ZFP64: variants seen among roughly 807,000 people sequenced by gnomAD.
The protein encoded by ZFP64 is ZFP64 zinc finger protein.
In ZFP64, 14 loss-of-function variants were observed where a neutral mutation model predicts 51.6. The ratio of observed to expected loss-of-function variants is 0.27; its 90% CI spans 0.18 to 0.42. ZFP64 has a LOEUF of 0.42. Among genes scored for constraint, ZFP64 ranks in the 10% least tolerant of loss-of-function variants. The probability of loss-of-function intolerance (pLI) is 1.00; values close to 1 mark genes in which losing one functional copy is unlikely to be tolerated. For missense variants in ZFP64, 754 were observed against 906.8 expected (o/e 0.83, Z 2.16); for synonymous variants, 375 against 361.4 (o/e 1.04, Z -0.43).
At chr20:52,110,070 C>T (rs1978476888) in intron 5 of ZFP64, among the ~76,000 whole-genome samples, 1 of 152,076 alleles carries the variant, frequency 6.6e-6, no homozygotes, top group African/African-American at 2.4e-5. Context: ...AGACCTGGGC[C>T]GTACACTCCT....
At chr20:52,170,226 C>T (rs745596822) in intron 2 of ZFP64, among the ~76,000 whole-genome samples, 4 of 151,836 alleles carry the variant, frequency 2.6e-5, no homozygotes, top group East Asian at 3.9e-4. Context: ...CTGAGGTGGG[C>T]GGATCATTTG....
chr20:52,158,455 T>C (rs988876471), intron 5 of ZFP64, among the ~76,000 whole-genome samples: 1 of 152,154 alleles, frequency 6.6e-6, no homozygotes, highest in African/African-American at 2.4e-5. Flanking sequence ...CCTGTAATCC[T>C]AGCACTTTGG....
intron 5 of ZFP64, among the ~76,000 whole-genome samples, chr20:52,127,269 GA>G (rs1364676114): frequency 6.6e-6 from 1 of 151,910 alleles, no homozygotes; most frequent in Non-Finnish European, 1.5e-5. Flanking sequence ...TTTTTTAAAG[GA>G]AGTGATACGG....
rs1053737002 is a variant in ZFP64, at chr20:52,173,644, GCTTTTTTTTTTTT to G, written c.287-7632_287-7620del. Among the ~76,000 whole-genome samples, 8 of 150,726 alleles carry G rather than the reference GCTTTTTTTTTTTT, an allele frequency of 5.3e-5. No individual in the cohort carries two copies. The East Asian group carries it at 9.8e-4, about 18-fold the overall frequency. ...TCAAAACATGGCAATATACATCCTT[GCTTTTTTTTTTTT>G]CTTTTTTTTTGAGACGGAGTCTGGC... On this transcript the variant is annotated intron_variant, in intron 2 of 5. Transcript: ENST00000216923.
At chr20:52,109,151 A>C (rs960915255) in intron 5 of ZFP64, among the ~76,000 whole-genome samples, 3 of 151,448 alleles carry the variant, frequency 2.0e-5, no homozygotes, top group Admixed American at 6.6e-5. Context: ...TTTTTTTAGA[A>C]GATTTTTTTT....
chr20:52,165,542 A>C (rs1982187295), intron 3 of ZFP64: 3 of 524,436 alleles, frequency 5.7e-6, no homozygotes, highest in Non-Finnish European at 1.1e-5. Flanking sequence ...AATAAATTAA[A>C]ACCAAAGTAA....
chr20:52,128,583 T>A (rs1396361198), intron 5 of ZFP64, among the ~76,000 whole-genome samples: 2 of 152,230 alleles, frequency 1.3e-5, no homozygotes, highest in Non-Finnish European at 2.9e-5. Context: ...CAAACTGATC[T>A]GCTTTGTGGC....
Position 52,153,097 on chromosome 20 carries a change from G to A in ZFP64, c.1095C>T (p.His365=), listed in dbSNP as rs548382927. The change falls in exon 6 of 6, where the codon CAC becomes CAT. Residue 365 remains histidine (H), a synonymous_variant. Transcript: ENST00000216923. The surrounding 1 kb of genome is among the most constrained non-coding windows in gnomAD (Gnocchi z 5.1). ...TGCACTTGAAAGGGCGGTCGGTGCA[G>A]TGGATACGCTCGTGGATGCGCAGGG... ...KAALRIHERI[H]CTDRPFKCNY... 1 of 1,614,252 alleles carries A rather than the reference G, an allele frequency of 6.2e-7. No homozygotes were observed. The highest frequency in any genetic ancestry group is 1.1e-5 in the South Asian group (1 of 91,088).
intron 4 of ZFP64, among the ~76,000 whole-genome samples, chr20:52,162,792 T>G (rs1171822863): frequency 1.3e-5 from 2 of 152,162 alleles, no homozygotes; most frequent in East Asian, 3.9e-4. Context: ...TTGGCAGAGC[T>G]CAGTGGTTTT....
At chr20:52,141,374 C>T (rs1406549793) in intron 5 of ZFP64, among the ~76,000 whole-genome samples, 1 of 151,938 alleles carries the variant, frequency 6.6e-6, no homozygotes, top group East Asian at 1.9e-4. Flanking sequence ...ATTTTTTTCA[C>T]CAGAACATCA....
chr20:52,105,462 C>T (rs1978307082), intron 5 of ZFP64: 2 of 878,112 alleles, frequency 2.3e-6, no homozygotes, highest in South Asian at 6.0e-5. Context: ...GCAGCCCGCG[C>T]CACCTGGGAG....
chr20:52,086,539 G>T (rs1025100950), intron 8 of ZFP64, among the ~76,000 whole-genome samples: 2 of 149,356 alleles, frequency 1.3e-5, no homozygotes, highest in East Asian at 3.9e-4. Context: ...GTGCAGTGAC[G>T]CAATCTCAGC....
intron 6 of ZFP64, chr20:52,097,570 TC>T: frequency 1.3e-6 from 1 of 760,386 alleles, no homozygotes; most frequent in Non-Finnish European, 2.1e-6. Context: ...TTACCCTGTT[TC>T]AGCCTCCTGA....
At chr20:52,090,480 G>A (rs1012604144) in intron 7 of ZFP64, among the ~76,000 whole-genome samples, 1 of 152,132 alleles carries the variant, frequency 6.6e-6, no homozygotes, top group Non-Finnish European at 1.5e-5. Flanking sequence ...ATAGCTTTCA[G>A]ACAAGAGAAA....
intron 7 of ZFP64, chr20:52,088,810 G>C: frequency 1.2e-6 from 1 of 817,830 alleles, no homozygotes; most frequent in Non-Finnish European, 2.0e-6. Context: ...ACAAGAATGT[G>C]TATCATTCAT....
At chr20:52,175,853 C>T (rs750940155) in intron 2 of ZFP64, 18 of 204,238 alleles carry the variant, frequency 8.8e-5, no homozygotes, top group South Asian at 1.8e-4. Flanking sequence ...TCCCCCCGCA[C>T]CCCCGCTGCC....
At chr20:52,122,767 T>C (rs1459397493) in intron 5 of ZFP64, among the ~76,000 whole-genome samples, 1 of 152,006 alleles carries the variant, frequency 6.6e-6, no homozygotes, top group Non-Finnish European at 1.5e-5. Flanking sequence ...GTGGTAGAGA[T>C]AGCAAGAGAA....
chr20:52,109,931 C>T (rs1223436193), intron 5 of ZFP64, among the ~76,000 whole-genome samples: 1 of 152,062 alleles, frequency 6.6e-6, no homozygotes, highest in Non-Finnish European at 1.5e-5. Flanking sequence ...AAAGTACTTT[C>T]TGCATGGGAT....
intron 2 of ZFP64, among the ~76,000 whole-genome samples, chr20:52,170,924 G>T (rs1182700456): frequency 4.6e-5 from 7 of 152,158 alleles, no homozygotes; most frequent in Admixed American, 1.3e-4. Flanking sequence ...AAATATTACA[G>T]AGAAAAATAA....
Sources: gnomAD v4.1 joint callset for allele counts (sites outside exome capture counted in the v4.1 genomes callset) on GRCh38, gnomAD v4.1.1 for gene constraint, Gnocchi (gnomAD v3.1) non-coding constraint, MANE v1.5 for transcripts, NCBI Gene and HGNC (gene_info 2026-07-23, HGNC 2026-07-21) for gene names.